GABRA3: variants seen among roughly 807,000 people sequenced by gnomAD.
The protein encoded by GABRA3 is gamma-aminobutyric acid type A receptor subunit alpha3.
A neutral mutation model predicts 30.1 loss-of-function variants in GABRA3; 10 were observed. That is an observed-to-expected ratio of 0.33 (90% CI 0.20 to 0.56). The LOEUF is 0.56. Among genes scored for constraint, GABRA3 ranks in the 20% least tolerant of loss-of-function variants. GABRA3 has a pLI of 0.89. For synonymous variants in GABRA3, 151 were observed against 146.8 expected (o/e 1.03, Z -0.21); for missense variants, 233 against 392.0 (o/e 0.59, Z 3.42).
At chrX:152,289,931 G>A (rs1939372039) in intron 3 of GABRA3, among the ~76,000 whole-genome samples, 1 of 111,723 alleles carries the variant, frequency 9.0e-6, no homozygotes, top group South Asian at 3.7e-4. Context: ...TGGACATTTG[G>A]GTTGGTTCCA....
intron 1 of GABRA3, among the ~76,000 whole-genome samples, chrX:152,419,288 T>C (rs903289363): frequency 3.7e-5 from 4 of 108,435 alleles, no homozygotes; most frequent in Non-Finnish European, 3.8e-5. Flanking sequence ...ACTTAAAGTA[T>C]AATACAAAAT....
At chrX:152,305,983 C>T (rs1293324995) in intron 3 of GABRA3, among the ~76,000 whole-genome samples, 3 of 111,646 alleles carry the variant, frequency 2.7e-5, no homozygotes, top group African/African-American at 9.8e-5. Context: ...ACATTTTTAT[C>T]TCATACCACA....
intron 6 of GABRA3, among the ~76,000 whole-genome samples, chrX:152,217,084 T>C (rs1007703404): frequency 2.7e-5 from 3 of 111,460 alleles, no homozygotes; most frequent in African/African-American, 9.7e-5. Flanking sequence ...ATAATTGCAA[T>C]TATCAAAACT....
At chrX:152,406,190 G>A (rs762428985) in intron 1 of GABRA3, among the ~76,000 whole-genome samples, 7 of 110,163 alleles carry the variant, frequency 6.4e-5, no homozygotes, top group African/African-American at 2.3e-4. Context: ...AAAACAACCA[G>A]AAAACAAACG....
rs958671321 is a variant in GABRA3 at position 152,264,039 on chromosome X, G to A, written c.331-8041C>T. Among the ~76,000 whole-genome samples, 7 of 111,445 alleles carry A rather than the reference G, an allele frequency of 6.3e-5. No homozygotes were observed. The South Asian group carries it at 1.1e-3, about 18-fold the overall frequency. On this transcript the variant is annotated intron_variant, in intron 4 of 9. Transcript: ENST00000370314. ...AATTTCCCAGAAAAACAAAAGCGGAGGGATTTCATCACAACCAGACCTGCC... is the reference window on the plus strand; with the variant it reads ...AATTTCCCAGAAAAACAAAAGCGGAAGGATTTCATCACAACCAGACCTGCC...
chrX:152,443,501 T>G (rs754157932), intron 1 of GABRA3, among the ~76,000 whole-genome samples: 1 of 111,653 alleles, frequency 9.0e-6, no homozygotes, highest in Non-Finnish European at 1.9e-5. Flanking sequence ...CAACAAATAT[T>G]TAGTAAGTAT....
At chrX:152,177,772 T>C (rs1487122675) in intron 9 of GABRA3, among the ~76,000 whole-genome samples, 3 of 111,131 alleles carry the variant, frequency 2.7e-5, no homozygotes, top group African/African-American at 9.8e-5. Flanking sequence ...AGAGAGAACT[T>C]GGGGCAGTTG....
At chrX:152,380,685 G>C (rs952671392) in intron 1 of GABRA3, among the ~76,000 whole-genome samples, 1 of 111,791 alleles carries the variant, frequency 8.9e-6, no homozygotes, top group Non-Finnish European at 1.9e-5. Context: ...TATCATTTTT[G>C]ATAATGTAAT....
intron 3 of GABRA3, among the ~76,000 whole-genome samples, chrX:152,315,910 C>T (rs977754657): frequency 9.8e-6 from 1 of 102,491 alleles, no homozygotes; most frequent in African/African-American, 3.6e-5. Flanking sequence ...TCCTTCCCTT[C>T]CCACCCTGGT....
In GABRA3 at chrX:152,189,866, G is replaced by A; in HGVS notation, c.1007C>T (p.Thr336Met). The A allele has an allele frequency of 8.3e-7, 1 of 1,209,112 alleles. No individual in the cohort carries two copies. Among genetic ancestry groups the A allele is most frequent in the Non-Finnish European group, 1.1e-6 (1 of 894,000 alleles). The change falls in exon 9 of 10, where the codon ACG becomes ATG. Residue 336 changes from threonine to methionine, a missense_variant. Thr to Met is a moderately conservative substitution (Grantham distance 81). Around this residue, in one of 6 missense-constraint regions of GABRA3, gnomAD observed 20 missense variants for 84.3 expected, o/e 0.24. Coordinates refer to ENST00000370314, the MANE Select transcript of GABRA3 (RefSeq NM_000808.4). ...RNSLPKVAYA[T>M]AMDWFIAVCY... is the part of the protein sequence containing the mutation. Reference sequence around the variant, plus strand: ...GACGGCTATGAACCAGTCCATGGCCGTCGCATATGCCACTTTAGGTAAGGA... The same window carrying A: ...GACGGCTATGAACCAGTCCATGGCCATCGCATATGCCACTTTAGGTAAGGA...
chrX:152,368,002 C>T (rs1928702200), intron 1 of GABRA3, among the ~76,000 whole-genome samples: 1 of 111,902 alleles, frequency 8.9e-6, no homozygotes, highest in Non-Finnish European at 1.9e-5. Flanking sequence ...TTGTCAAGAT[C>T]ATTGTAAAAG....
chrX:152,403,492 T>C (rs1929844337), intron 1 of GABRA3, among the ~76,000 whole-genome samples: 1 of 110,655 alleles, frequency 9.0e-6, no homozygotes, highest in Non-Finnish European at 1.9e-5. Context: ...GACCAACTCA[T>C]CCACCAAGAA....
chrX:152,407,503 T>C (rs1414544952), intron 1 of GABRA3, among the ~76,000 whole-genome samples: 2 of 111,573 alleles, frequency 1.8e-5, no homozygotes, highest in African/African-American at 6.5e-5. Flanking sequence ...CCTAGACATA[T>C]ACAACCTACA....
At chrX:152,309,355 A>T (rs1184615694) in intron 3 of GABRA3, among the ~76,000 whole-genome samples, 2 of 111,286 alleles carry the variant, frequency 1.8e-5, no homozygotes, top group Non-Finnish European at 3.8e-5. Context: ...CTCAAAGGTC[A>T]ACATAAAAGA....
chrX:152,255,144 T>C (rs937314997), intron 5 of GABRA3, among the ~76,000 whole-genome samples: 3 of 111,273 alleles, frequency 2.7e-5, no homozygotes, highest in African/African-American at 6.5e-5. Context: ...CACACACATA[T>C]GCACACACAT....
At chrX:152,371,006 C>T (rs1928822507) in intron 1 of GABRA3, among the ~76,000 whole-genome samples, 2 of 110,717 alleles carry the variant, frequency 1.8e-5, no homozygotes, top group African/African-American at 6.6e-5. Context: ...GTCTGGTATA[C>T]ACCCTGAATA....
chrX:152,328,038 A>G (rs1285418044), intron 3 of GABRA3, among the ~76,000 whole-genome samples: 1 of 111,956 alleles, frequency 8.9e-6, no homozygotes, highest in Non-Finnish European at 1.9e-5. Context: ...GATCCCACAG[A>G]AATAAAAACT....
At chrX:152,330,964 A>G (rs776168887) in intron 3 of GABRA3, among the ~76,000 whole-genome samples, 121 of 111,516 alleles carry the variant, frequency 1.1e-3, no homozygotes, top group African/African-American at 3.8e-3. Context: ...AACATTTGAC[A>G]AAACAATTTC....
chrX:152,205,065 A>T (rs72614776), intron 7 of GABRA3, among the ~76,000 whole-genome samples: 7,650 of 111,465 alleles, frequency 0.069, 384 homozygotes, highest in East Asian at 0.33. Context: ...ACACCAGTCA[A>T]ATTGGATTAG....
Sources: gnomAD v4.1 joint callset for allele counts (sites outside exome capture counted in the v4.1 genomes callset) on GRCh38, gnomAD v4.1.1 for gene constraint, gnomAD v4.1.1 regional missense constraint, MANE v1.5 for transcripts, NCBI Gene and HGNC (gene_info 2026-07-23, HGNC 2026-07-21) for gene names.